Variants in COG2 observed in about 807,000 individuals in gnomAD.
COG2 encodes the protein conserved oligomeric Golgi complex subunit 2.
Under a neutral mutation model 90.6 loss-of-function variants are expected in COG2, and 52 were observed. That is an observed-to-expected ratio of 0.57 (90% CI 0.46 to 0.72). The LOEUF is 0.72. Ranked by LOEUF, COG2 falls within the 30% of genes least tolerant of loss-of-function variation. The pLI, the probability that COG2 is intolerant of heterozygous loss-of-function variation, is 0.00. For synonymous variants in COG2, 337 were observed against 320.4 expected (o/e 1.05, Z -0.55); for missense variants, 829 against 891.2 (o/e 0.93, Z 0.89).
rs1202852868 is a variant in COG2 at position 230,653,461 on chromosome 1, A to AC, written c.73-5997dup. ...GTCTTGAACTCCCAACCTCAAGTGA[A>AC]CCCCCCACCTCAGCCTCTCAAAGCG... On this transcript the variant is annotated intron_variant, in intron 1 of 17. Coordinates refer to ENST00000366669, the MANE Select transcript of COG2 (RefSeq NM_007357.3). Among the ~76,000 whole-genome samples, 3 of 117,816 alleles carry AC rather than the reference A, an allele frequency of 2.5e-5. No individual in the cohort carries two copies. The Admixed American group carries it at 2.8e-4, about 11-fold the overall frequency. The allele number at this position is 117,816 out of a possible 152,430, so 77.3% of individuals were successfully genotyped here. A position where few individuals can be genotyped will look rare whatever the true frequency, so the allele number is the denominator to read the frequency against.
intron 5 of COG2, among the ~76,000 whole-genome samples, chr1:230,665,667 T>C (rs551835617): frequency 6.6e-6 from 1 of 152,228 alleles, no homozygotes. Context: ...TATAAATAAG[T>C]GGTCAATCGC....
intron 12 of COG2, among the ~76,000 whole-genome samples, 185 bp from the exon 13 acceptor site, chr1:230,686,750 C>T (rs1478111056): frequency 2.0e-5 from 3 of 152,078 alleles, no homozygotes; most frequent in Non-Finnish European, 2.9e-5. Context: ...GTCCTTGTTT[C>T]TCTCTTAGTG....
chr1:230,683,728 T>G, intron 11 of COG2, 93 bp downstream of exon 11: 1 of 726,236 alleles, frequency 1.4e-6, no homozygotes. Flanking sequence ...GAGCGTACTT[T>G]TACTGTTTTT....
intron 1 of COG2, among the ~76,000 whole-genome samples, chr1:230,650,548 GTTAC>G (rs1486429728): frequency 6.6e-6 from 1 of 152,036 alleles, no homozygotes. Flanking sequence ...TTTTAATGGG[GTTAC>G]TTGTTTTTTT....
chr1:230,678,549 T>C (rs1571958301), intron 9 of COG2: 2 of 1,170,798 alleles, frequency 1.7e-6, no homozygotes, highest in Non-Finnish European at 2.1e-6. Context: ...TCTCCTTCTT[T>C]CTCCTTTGTG....
chr1:230,657,365 GT>G (rs1662084068), intron 1 of COG2, among the ~76,000 whole-genome samples: 1 of 152,098 alleles, frequency 6.6e-6, no homozygotes, highest in Non-Finnish European at 1.5e-5. Flanking sequence ...GTTGAAAATT[GT>G]TTTCTTAAAG....
intron 9 of COG2, chr1:230,677,963 C>T: frequency 1.0e-6 from 1 of 963,160 alleles, no homozygotes; most frequent in Non-Finnish European, 1.2e-6. Context: ...ACCTAGACCA[C>T]CCTCTGGGAT....
At chr1:230,680,221 TA>T (rs1408427006) in intron 10 of COG2, 1 of 152,238 alleles carries the variant, frequency 6.6e-6, no homozygotes, top group African/African-American at 2.4e-5. Flanking sequence ...CATCATTTTA[TA>T]AAATGATACT....
At chr1:230,659,723 T>C in intron 2 of COG2, 98 bp downstream of exon 2, 1 of 1,222,462 alleles carries the variant, frequency 8.2e-7, no homozygotes. Flanking sequence ...AACCTTTTAG[T>C]TGATGTCCTC....
chr1:230,678,850 G>A, intron 9 of COG2, 63 bp from the exon 10 acceptor site: 6 of 1,593,302 alleles, frequency 3.8e-6, no homozygotes, highest in African/African-American at 1.3e-5. Flanking sequence ...ACAGTTTTCA[G>A]TACATGCTCC....
chr1:230,669,277 G>T, intron 6 of COG2, 79 bp from the exon 7 acceptor site: 1 of 1,319,744 alleles, frequency 7.6e-7, no homozygotes, highest in East Asian at 2.3e-5. Flanking sequence ...GGTGTAAGAG[G>T]CTTGTTATAT....
chr1:230,680,443 T>C (rs1662714278), intron 10 of COG2: 1 of 146,710 alleles, frequency 6.8e-6, no homozygotes, highest in Non-Finnish European at 1.5e-5. Context: ...GGAGCTCCCA[T>C]GGGCTATTTC....
At chr1:230,665,130 T>C (rs569367870) in intron 5 of COG2, among the ~76,000 whole-genome samples, 2 of 152,318 alleles carry the variant, frequency 1.3e-5, no homozygotes, top group East Asian at 3.9e-4. Context: ...AGTCAGGTAG[T>C]TGAGTGACTC....
chr1:230,644,907 A>G (rs1301246719), intron 1 of COG2, among the ~76,000 whole-genome samples: 1 of 152,180 alleles, frequency 6.6e-6, no homozygotes, highest in Non-Finnish European at 1.5e-5. Context: ...TGAGAAATAC[A>G]GGAGGGGATA....
rs1663089926 is a variant in COG2, at chr1:230,693,406, A to G, written c.*13A>G. 5.2e-6 allele frequency: 8 copies of G among 1,548,026 alleles called. No individual in the cohort carries two copies. The highest frequency in any genetic ancestry group is 7.1e-6 in the Non-Finnish European group (8 of 1,125,986). The stretch of plus-strand genomic sequence containing the variant: ...AGAGCAGCCTTAAGCATCTTGGAAG[A>G]TCCCGAGGTTAGATTCTTAAGCAAG... On this transcript the variant is annotated 3_prime_UTR_variant, in exon 18 of 18. Coordinates refer to ENST00000366669, the MANE Select transcript of COG2 (RefSeq NM_007357.3).
chr1:230,692,352 G>GA lies in COG2; in HGVS notation c.2115+800dup, dbSNP rs201583490. Among the ~76,000 whole-genome samples the GA allele has an allele frequency of 4.1e-3, 540 of 132,172 alleles. 1 individual carries two copies. Among genetic ancestry groups the GA allele is most frequent in the East Asian group, 8.6e-3 (39 of 4,546 alleles). The allele number at this position is 132,172 out of a possible 152,430, so 86.7% of individuals were successfully genotyped here. ...AACTGATACAATGTTAATAGAAAAA[G>GA]AAAAAAAAAAAAGCAGTCAAAACAA... is the stretch of plus-strand genomic sequence containing the variant. On this transcript the variant is annotated intron_variant, in intron 17 of 17. Coordinates refer to ENST00000366669, the MANE Select transcript of COG2 (RefSeq NM_007357.3).
chr1:230,692,536 T>A (rs556979221), intron 17 of COG2, among the ~76,000 whole-genome samples: 1 of 152,200 alleles, frequency 6.6e-6, no homozygotes, highest in East Asian at 1.9e-4. Flanking sequence ...AAAGACTTTT[T>A]ACAAGCAAGA....
At chr1:230,677,347 A>G (rs1442662670) in intron 9 of COG2, among the ~76,000 whole-genome samples, 1 of 152,186 alleles carries the variant, frequency 6.6e-6, no homozygotes, top group African/African-American at 2.4e-5. Context: ...AAGTGTAGAG[A>G]GGCACAAGAT....
Position 230,663,238 on chromosome 1 carries a change from C to T in COG2, c.381+17C>T. 6.3e-7 allele frequency: 1 copy of T among 1,593,658 alleles called. No individual in the cohort carries two copies. The highest frequency in any genetic ancestry group is 2.2e-5 in the East Asian group (1 of 44,600). On this transcript the variant is annotated intron_variant, in intron 4 of 17. Coordinates refer to ENST00000366669, the MANE Select transcript of COG2 (RefSeq NM_007357.3). ...AAAAAAAAGGTATACTCAAATATTA[C>T]AATATTAAATCGTTGATTCACTGTA...
Sources: gnomAD v4.1 joint callset for allele counts (sites outside exome capture counted in the v4.1 genomes callset) on GRCh38, gnomAD v4.1.1 for gene constraint, MANE v1.5 for transcripts, NCBI Gene and HGNC (gene_info 2026-07-23, HGNC 2026-07-21) for gene names.